Variants in TBXAS1 observed in about 807,000 individuals in gnomAD.
TBXAS1 encodes thromboxane A synthase 1.
Under a neutral mutation model 60.7 loss-of-function variants are expected in TBXAS1, and 48 were observed. The ratio of observed to expected loss-of-function variants is 0.79; its 90% CI spans 0.63 to 1.01. TBXAS1 has a LOEUF of 1.01. Ranked by LOEUF, TBXAS1 falls within the 50% of genes least tolerant of loss-of-function variation. The pLI, the probability that TBXAS1 is intolerant of heterozygous loss-of-function variation, is 0.00. For synonymous variants in TBXAS1, 287 were observed against 269.7 expected (o/e 1.06, Z -0.63); for missense variants, 685 against 686.3 (o/e 1.00, Z 0.02).
intron 4 of TBXAS1, among the ~76,000 whole-genome samples, chr7:139,824,007 G>A (rs901082630): frequency 6.6e-5 from 10 of 152,186 alleles, no homozygotes; most frequent in Admixed American, 1.3e-4. Context: ...TGCCAGAGAC[G>A]TCAGGCTTAG....
chr7:139,828,961 G>GTAGATA (rs570400618), upstream of TBXAS1, among the ~76,000 whole-genome samples: 306 of 152,254 alleles, frequency 2.0e-3, no homozygotes, highest in African/African-American at 6.8e-3. Context: ...ATAGATGGAT[G>GTAGATA]TAGATATAGA....
At chr7:139,958,984 T>A (rs1810105843) in intron 8 of TBXAS1, among the ~76,000 whole-genome samples, 1 of 149,602 alleles carries the variant, frequency 6.7e-6, no homozygotes, top group Non-Finnish European at 1.5e-5. Flanking sequence ...ACATTGCTAC[T>A]AAGGGCCACC....
At chr7:139,995,414 G>A (rs1036063408) in intron 9 of TBXAS1, among the ~76,000 whole-genome samples, 3 of 152,084 alleles carry the variant, frequency 2.0e-5, no homozygotes, top group Non-Finnish European at 2.9e-5. Flanking sequence ...ATGGCTCTCC[G>A]CCTTCCCGTC....
chr7:140,004,099 A>G lies in TBXAS1; in HGVS notation c.1135-2992A>G, dbSNP rs1813884000. Among the ~76,000 whole-genome samples, 2 of 152,362 alleles carry G rather than the reference A, an allele frequency of 1.3e-5. No individual in the cohort carries two copies. The highest frequency in any genetic ancestry group is 4.1e-4 in the South Asian group (2 of 4,824). ...ATGGGTCTCCACTTCCCTGTGTTCA[A>G]TCGCCACCTGCTGGAGAAAAACTTT... On this transcript the variant is annotated intron_variant, in intron 9 of 12. Transcript: ENST00000448866. This position sits in a 1 kb window ranked among gnomAD's most constrained non-coding sequence, Gnocchi z 5.1.
At chr7:139,947,239 A>T (rs1808794963) in intron 5 of TBXAS1, among the ~76,000 whole-genome samples, 1 of 152,230 alleles carries the variant, frequency 6.6e-6, no homozygotes, top group Admixed American at 6.5e-5. Flanking sequence ...CAGCCATAAA[A>T]AGGGACTAGA....
chr7:139,983,868 A>G (rs1262963315), intron 9 of TBXAS1, among the ~76,000 whole-genome samples: 1 of 152,198 alleles, frequency 6.6e-6, no homozygotes, highest in African/African-American at 2.4e-5. Context: ...TTATTAGTTC[A>G]GTAGTCGATC....
chr7:139,814,694 G>T (rs575715843), intron 4 of TBXAS1, among the ~76,000 whole-genome samples: 1 of 152,308 alleles, frequency 6.6e-6, no homozygotes, highest in African/African-American at 2.4e-5. Context: ...GAGCTCCCCA[G>T]AATTGGAGGA....
intron 8 of TBXAS1, among the ~76,000 whole-genome samples, chr7:139,958,067 AC>A (rs1810021450): frequency 1.3e-5 from 2 of 152,196 alleles, no homozygotes; most frequent in Admixed American, 1.3e-4. Context: ...CAACCCAAGC[AC>A]AGGTTAGAAT....
chr7:140,019,210 G>A (rs934423867), intron 12 of TBXAS1, among the ~76,000 whole-genome samples: 5 of 152,208 alleles, frequency 3.3e-5, no homozygotes, highest in African/African-American at 1.2e-4. Context: ...TAGAGTCTGA[G>A]ATACTGAAAG....
chr7:139,881,582 A>T lies in TBXAS1; in HGVS notation c.236+5945A>T, dbSNP rs146808208. Among the ~76,000 whole-genome samples the T allele has an allele frequency of 5.8e-3, 880 of 152,258 alleles. 7 individuals are homozygous for T. Among genetic ancestry groups the T allele is most frequent in the South Asian group, 0.026 (125 of 4,828 alleles). On this transcript the variant is annotated intron_variant, in intron 3 of 12. Coordinates refer to ENST00000448866, the MANE Select transcript of TBXAS1 (RefSeq NM_001061.7). ...ATTTCTCTATTCTGTTGTACTGCTT[A>T]ATCACAAGCCAGGGCTGCACTGAAT...
chr7:140,014,675 C>T (rs10279361), intron 10 of TBXAS1, among the ~76,000 whole-genome samples: 5,678 of 151,960 alleles, frequency 0.037, 370 homozygotes, highest in African/African-American at 0.13. Flanking sequence ...TTTGGGAGGC[C>T]GAGGCAGGGG....
chr7:139,833,488 A>G (rs941913086), intron 1 of TBXAS1, among the ~76,000 whole-genome samples: 3 of 146,102 alleles, frequency 2.1e-5, no homozygotes, highest in East Asian at 2.0e-4. Context: ...ACACAGTGAA[A>G]CCCCGTCTCT....
chr7:139,900,731 C>T (rs1338968423), intron 3 of TBXAS1, among the ~76,000 whole-genome samples: 1 of 152,220 alleles, frequency 6.6e-6, no homozygotes, highest in African/African-American at 2.4e-5. Flanking sequence ...CTATTAGCTC[C>T]TTCTGCAGAC....
chr7:139,833,509 CAAAAAAAAAAA>C lies in TBXAS1; in HGVS notation c.89+4046_89+4056del, dbSNP rs56291914. Among the ~76,000 whole-genome samples the C allele has an allele frequency of 2.1e-3, 159 of 74,406 alleles. 1 individual carries two copies. Among genetic ancestry groups the C allele is most frequent in the African/African-American group, 5.4e-3 (134 of 24,860 alleles). 48.8% of individuals were successfully genotyped at this position (74,406 alleles called of 152,430 possible). ...TGAAACCCCGTCTCTACTAAAAATA[CAAAAAAAAAAA>C]AAAAAAAAAAAAAAATTAGAGGGGT... On this transcript the variant is annotated intron_variant, in intron 1 of 12. Coordinates refer to ENST00000448866, the MANE Select transcript of TBXAS1 (RefSeq NM_001061.7).
At chr7:139,830,674 C>T (rs1227910723) in intron 1 of TBXAS1, among the ~76,000 whole-genome samples, 1 of 152,160 alleles carries the variant, frequency 6.6e-6, no homozygotes, top group East Asian at 1.9e-4. Flanking sequence ...TTTTATGCTC[C>T]GGGAAGCCCG....
chr7:139,883,431 C>A (rs1484531547), intron 3 of TBXAS1, among the ~76,000 whole-genome samples: 1 of 152,172 alleles, frequency 6.6e-6, no homozygotes, highest in East Asian at 1.9e-4. Context: ...CATTTCCCCC[C>A]ATCCTCTTTC....
chr7:139,898,201 A>C (rs915756489), intron 3 of TBXAS1, among the ~76,000 whole-genome samples: 1 of 152,098 alleles, frequency 6.6e-6, no homozygotes, highest in Non-Finnish European at 1.5e-5. Flanking sequence ...TTCCTCACTG[A>C]GCCTCCTGCC....
chr7:139,791,808 GT>G (rs10617891), intron 4 of TBXAS1, among the ~76,000 whole-genome samples: 19,548 of 70,186 alleles, frequency 0.28, 2,136 homozygotes, highest in East Asian at 0.5. Context: ...GGAATGTTTT[GT>G]TTTTTTTTTT....
chr7:139,798,455 C>T (rs1004848288), intron 4 of TBXAS1, among the ~76,000 whole-genome samples: 6 of 152,174 alleles, frequency 3.9e-5, no homozygotes, highest in Admixed American at 1.3e-4. Flanking sequence ...TAACATATGG[C>T]TCACAAGGTA....
Sources: gnomAD v4.1 joint callset for allele counts (sites outside exome capture counted in the v4.1 genomes callset) on GRCh38, gnomAD v4.1.1 for gene constraint, Gnocchi (gnomAD v3.1) non-coding constraint, MANE v1.5 for transcripts, NCBI Gene and HGNC (gene_info 2026-07-23, HGNC 2026-07-21) for gene names.